The following RHOU variants were observed in gnomAD, a reference collection of about 807,000 sequenced individuals.
RHOU encodes the protein rho-related GTP-binding protein RhoU.
RHOU carries 8 observed loss-of-function variants against 12.6 expected under a neutral mutation model. That is an observed-to-expected ratio of 0.64 (90% CI 0.37 to 1.15). RHOU has a LOEUF of 1.15. Among genes scored for constraint, RHOU ranks in the 50% most tolerant of loss-of-function variants. The pLI, the probability that RHOU is intolerant of heterozygous loss-of-function variation, is 0.01. For missense variants in RHOU, 258 were observed against 347.0 expected, an observed-to-expected ratio of 0.74 and a Z score of 2.04; for synonymous variants, 161 against 147.4, an observed-to-expected ratio of 1.09 and a Z score of -0.67.
At chr1:228,671,784 G>A in the RHOU span, among the ~76,000 whole-genome samples, 17 of 150,642 alleles carry the variant, frequency 1.1e-4, no homozygotes, top group East Asian at 1.9e-4. Flanking sequence ...CTTTAACACC[G>A]TGATTTCTAA....
At chr1:228,707,230 CATATGTAT>C in the RHOU span, among the ~76,000 whole-genome samples, 8 of 45,686 alleles carry the variant, frequency 1.8e-4, no homozygotes, top group Admixed American at 6.3e-4. Context: ...TATATATATA[CATATGTAT>C]ATATATATAT....
At chr1:228,647,354 CG>C in the RHOU span, among the ~76,000 whole-genome samples, 15 of 152,130 alleles carry the variant, frequency 9.9e-5, no homozygotes, top group African/African-American at 3.1e-4. Context: ...GCCCTTTTGG[CG>C]GGAGCCGTGG....
the RHOU span, among the ~76,000 whole-genome samples, chr1:228,725,253 C>T: frequency 6.6e-6 from 1 of 152,152 alleles, no homozygotes; most frequent in Admixed American, 6.5e-5. Context: ...AACTTGAGCC[C>T]AAGAACATTT....
the RHOU span, among the ~76,000 whole-genome samples, chr1:228,695,917 G>A: frequency 1.3e-5 from 2 of 152,184 alleles, no homozygotes; most frequent in Admixed American, 1.3e-4. Flanking sequence ...ATCCTGCCTT[G>A]ATCTTTCAGG....
chr1:228,744,809 C>CT lies in RHOU; in HGVS notation c.*1072dup, dbSNP rs1485169325. ...TGGCTGTATTTGCTGTTGATTCAGACTTTCACACCATTAATGGGGAAAAGC... is the reference window on the plus strand; with the variant it reads ...TGGCTGTATTTGCTGTTGATTCAGACTTTTCACACCATTAATGGGGAAAAGC... On this transcript the variant is annotated 3_prime_UTR_variant, in exon 3 of 3. Transcript: ENST00000366691. 1 of 152,204 alleles carries CT rather than the reference C, an allele frequency of 6.6e-6. No homozygotes were observed. Among genetic ancestry groups the CT allele is most frequent in the Admixed American group, 6.5e-5 (1 of 15,278 alleles). The allele number at this position is 152,204 out of a possible 1,614,324, so 9.4% of individuals were successfully genotyped here. A position where few individuals can be genotyped will look rare whatever the true frequency, so the allele number is the denominator to read the frequency against.
At position 228,745,283 on chromosome 1, in the gene RHOU, A is replaced by C. The variant is rs759899567; in HGVS notation, c.*1543A>C. On this transcript the variant is annotated 3_prime_UTR_variant, in exon 3 of 3. Transcript: ENST00000366691. ...CGAGACACCACAAGGCAGCCTGAAC[A>C]CTCAGTTGCAGGGTCGGGCTTGCGG... 4 of 152,234 alleles carry C rather than the reference A, an allele frequency of 2.6e-5. No individual in the cohort carries two copies. The highest frequency in any genetic ancestry group is 6.5e-5 in the Admixed American group (1 of 15,288). 9.4% of individuals were successfully genotyped at this position (152,234 alleles called of 1,614,324 possible).
the RHOU span, among the ~76,000 whole-genome samples, chr1:228,701,042 C>T: frequency 1.3e-5 from 2 of 152,088 alleles, no homozygotes; most frequent in African/African-American, 4.8e-5. Flanking sequence ...TGAGCTGTGA[C>T]TGTGCCACTG....
In RHOU at chr1:228,743,447, C is replaced by T. The variant is rs1662764688; in HGVS notation, c.484C>T (p.Gln162Ter). The stretch of plus-strand genomic sequence containing the variant: ...AGCCCCCATCATCCTAGTTGGAACG[C>T]AGTCGGATCTCAGAGAAGATGTCAA... Reference protein sequence around the residue: ...PKAPIILVGTQSDLREDVKVL... With the variant: ...PKAPIILVGT The change falls in exon 3 of 3, where the codon CAG (glutamine) becomes TAG (stop). Residue 162 changes from glutamine to a stop codon, truncating the protein, a stop_gained. Coordinates refer to ENST00000366691, the MANE Select transcript of RHOU (RefSeq NM_021205.6). LOFTEE classifies it high-confidence loss of function. The surrounding 1 kb of genome is among the most constrained non-coding windows in gnomAD (Gnocchi z 5.1). 1 of 1,614,006 alleles carries T rather than the reference C, an allele frequency of 6.2e-7. No homozygotes were observed. Among genetic ancestry groups the T allele is most frequent in the Non-Finnish European group, 8.5e-7 (1 of 1,180,042 alleles).
upstream of RHOU, among the ~76,000 whole-genome samples, chr1:228,732,932 ATAAACT>A (rs1304964723): frequency 2.0e-5 from 3 of 152,268 alleles, no homozygotes; most frequent in South Asian, 2.1e-4. Flanking sequence ...AACAAACACC[ATAAACT>A]TAAACAAAAT....
chr1:228,707,409 C>T, the RHOU span, among the ~76,000 whole-genome samples: 1 of 150,182 alleles, frequency 6.7e-6, no homozygotes, highest in Admixed American at 6.7e-5. Flanking sequence ...TCTGCATTTC[C>T]ATCTGAGCTT....
chr1:228,661,762 G>A, the RHOU span, among the ~76,000 whole-genome samples: 4 of 152,170 alleles, frequency 2.6e-5, no homozygotes, highest in Non-Finnish European at 4.4e-5. Context: ...TCAGGACATA[G>A]GCATGGGCAA....
the RHOU span, among the ~76,000 whole-genome samples, chr1:228,692,275 A>G: frequency 6.6e-6 from 1 of 152,250 alleles, no homozygotes; most frequent in Non-Finnish European, 1.5e-5. Flanking sequence ...AAATGTATAC[A>G]TTCTTCTAAA....
the RHOU span, among the ~76,000 whole-genome samples, chr1:228,656,188 C>T: frequency 5.3e-5 from 8 of 152,042 alleles, no homozygotes; most frequent in East Asian, 1.4e-3. Flanking sequence ...TTGTTTGGCT[C>T]TGTTGCCTAG....
the RHOU span, chr1:228,650,658 C>T: frequency 8.4e-6 from 4 of 476,748 alleles, no homozygotes; most frequent in South Asian, 3.1e-5. Flanking sequence ...ATGTAAAACT[C>T]GTTTCACTCG....
At chr1:228,700,520 G>C in the RHOU span, among the ~76,000 whole-genome samples, 1 of 152,018 alleles carries the variant, frequency 6.6e-6, no homozygotes, top group Non-Finnish European at 1.5e-5. Flanking sequence ...AGTACTTTAG[G>C]AGTTTATTTG....
the RHOU span, among the ~76,000 whole-genome samples, chr1:228,690,730 G>A: frequency 6.6e-6 from 1 of 152,070 alleles, no homozygotes; most frequent in African/African-American, 2.4e-5. Context: ...CGATTCTTCT[G>A]CCTCAGTCTC....
At chr1:228,647,304 G>A in the RHOU span, among the ~76,000 whole-genome samples, 2 of 152,222 alleles carry the variant, frequency 1.3e-5, no homozygotes, top group African/African-American at 2.4e-5. Flanking sequence ...CTGTGCTCTT[G>A]GTGCGGTGCA....
At chr1:228,660,799 G>A in the RHOU span, among the ~76,000 whole-genome samples, 14 of 151,794 alleles carry the variant, frequency 9.2e-5, no homozygotes, top group Non-Finnish European at 1.9e-4. Flanking sequence ...CAGGTGTGGT[G>A]GTGCATGCCT....
the RHOU span, among the ~76,000 whole-genome samples, chr1:228,662,430 C>T: frequency 2.6e-5 from 4 of 152,262 alleles, no homozygotes; most frequent in Admixed American, 2.6e-4. Flanking sequence ...TGGAACCAAC[C>T]CAAATGTCCA....
Sources: allele counts gnomAD v4.1 joint callset (sites outside exome capture counted in the v4.1 genomes callset), GRCh38; gene constraint gnomAD v4.1.1; non-coding constraint Gnocchi (gnomAD v3.1); transcripts MANE v1.5; gene names NCBI Gene and HGNC (gene_info 2026-07-23, HGNC 2026-07-21).